PRELID2: variants seen among roughly 807,000 people sequenced by gnomAD.
The protein encoded by PRELID2 is PRELI domain containing 2, also known as PRELI domain-containing protein 2.
Under a neutral mutation model 28.4 loss-of-function variants are expected in PRELID2, and 25 were observed. The observed-to-expected ratio is 0.88, with a 90% CI of 0.64 to 1.23. PRELID2 has a LOEUF of 1.23. Among genes scored for constraint, PRELID2 ranks in the 50% most tolerant of loss-of-function variants. PRELID2 has a pLI of 0.00. For missense variants in PRELID2, 201 were observed against 214.4 expected, an observed-to-expected ratio of 0.94 and a Z score of 0.39; for synonymous variants, 76 against 71.6, an observed-to-expected ratio of 1.06 and a Z score of -0.31.
intron 1 of PRELID2, among the ~76,000 whole-genome samples, chr5:145,648,572 A>T (rs1754236115): frequency 6.6e-6 from 1 of 151,412 alleles, no homozygotes; most frequent in Non-Finnish European, 1.5e-5. Flanking sequence ...CTCTGCTATT[A>T]AGATTTCTTC....
chr5:145,250,150 C>G, the PRELID2 span, among the ~76,000 whole-genome samples: 204 of 152,112 alleles, frequency 1.3e-3, 4 homozygotes, highest in East Asian at 0.031. Context: ...GGGGAGAAAC[C>G]ATTACTCTTT....
At chr5:145,378,313 G>A in the PRELID2 span, among the ~76,000 whole-genome samples, 1 of 152,150 alleles carries the variant, frequency 6.6e-6, no homozygotes, top group Non-Finnish European at 1.5e-5. Context: ...TGAATTTCCT[G>A]AATTTGAATG....
intron 5 of PRELID2, among the ~76,000 whole-genome samples, chr5:145,784,939 AAATG>A (rs1751894651): frequency 6.6e-6 from 1 of 152,192 alleles, no homozygotes; most frequent in Non-Finnish European, 1.5e-5. Context: ...TAAAAATTGA[AAATG>A]AATATTTAGT....
At chr5:145,480,075 A>G (rs1752143079) in intron 1 of PRELID2, among the ~76,000 whole-genome samples, 1 of 152,228 alleles carries the variant, frequency 6.6e-6, no homozygotes, top group South Asian at 2.1e-4. Flanking sequence ...CTCACTAGGA[A>G]TTCCAGAACT....
chr5:145,331,736 G>A, the PRELID2 span, among the ~76,000 whole-genome samples: 1 of 152,036 alleles, frequency 6.6e-6, no homozygotes, highest in Non-Finnish European at 1.5e-5. Flanking sequence ...TTGCCAGTCT[G>A]TGTCTTTCAA....
rs184405130 is a variant in PRELID2 at position 145,832,475 on chromosome 5, G to A, written c.75+2702C>T. On this transcript the variant is annotated intron_variant, in intron 1 of 6. Transcript: ENST00000683046. Reference sequence around the variant, plus strand: ...GCTGGGATTACAGGAGTGAGCTGCCGTGCCCAGCCGGCAAAGTTGATTCTG... The same window carrying A: ...GCTGGGATTACAGGAGTGAGCTGCCATGCCCAGCCGGCAAAGTTGATTCTG... 4.8e-3 allele frequency among the ~76,000 whole-genome samples: 732 copies of A among 152,252 alleles called. 8 individuals are homozygous for A. Among genetic ancestry groups the A allele is most frequent in the African/African-American group, 0.015 (614 of 41,562 alleles).
intron 1 of PRELID2, among the ~76,000 whole-genome samples, chr5:145,646,970 G>A (rs1754207228): frequency 1.3e-5 from 2 of 152,218 alleles, no homozygotes; most frequent in South Asian, 4.1e-4. Context: ...ACTGGGAGGT[G>A]TCTCCCAGTC....
the PRELID2 span, among the ~76,000 whole-genome samples, chr5:145,309,488 A>G: frequency 1.3e-5 from 2 of 152,182 alleles, no homozygotes; most frequent in Non-Finnish European, 2.9e-5. Context: ...CTGCTGACGG[A>G]AAGGATTCCT....
chr5:145,782,845 C>T (rs950171631), intron 5 of PRELID2, among the ~76,000 whole-genome samples: 1 of 152,176 alleles, frequency 6.6e-6, no homozygotes, highest in Non-Finnish European at 1.5e-5. Context: ...TGGTTAGACA[C>T]TGAAGGAAGG....
At chr5:145,773,418 A>T (rs1758223644) in intron 5 of PRELID2, among the ~76,000 whole-genome samples, 1 of 152,200 alleles carries the variant, frequency 6.6e-6, no homozygotes, top group Non-Finnish European at 1.5e-5. Context: ...TTTCATTTTG[A>T]ATTTTAAAAA....
the PRELID2 span, among the ~76,000 whole-genome samples, chr5:145,421,431 G>A: frequency 1.3e-5 from 2 of 149,964 alleles, no homozygotes; most frequent in Non-Finnish European, 3.0e-5. Flanking sequence ...GGTCTATTCA[G>A]GGATTCAACT....
chr5:145,404,099 T>C, the PRELID2 span, among the ~76,000 whole-genome samples: 1 of 152,242 alleles, frequency 6.6e-6, no homozygotes, highest in Non-Finnish European at 1.5e-5. Flanking sequence ...GTGACTTCTA[T>C]GATCTCTGAA....
At chr5:145,508,298 T>TAGATAGATAGATAGATTA in intron 1 of PRELID2, among the ~76,000 whole-genome samples, 1 of 95,002 alleles carries the variant, frequency 1.1e-5, no homozygotes, top group East Asian at 5.0e-4. Context: ...ATAGATAGAT[T>TAGATAGATAGATAGATTA]AAAAAATGTA....
In PRELID2 at chr5:145,817,884, C is replaced by A; in HGVS notation, c.368+10G>T. 6.5e-7 allele frequency: 1 copy of A among 1,537,316 alleles called. No homozygotes were observed. Among genetic ancestry groups the A allele is most frequent in the Non-Finnish European group, 8.7e-7 (1 of 1,144,990 alleles). ...ACCAAAACACACACACATATACACACGAGTCTTACCAATTTGGGTTTTCCA... is the reference window on the plus strand; with the variant it reads ...ACCAAAACACACACACATATACACAAGAGTCTTACCAATTTGGGTTTTCCA... On this transcript the variant is annotated intron_variant, in intron 4 of 6. Coordinates refer to ENST00000683046, the MANE Select transcript of PRELID2 (RefSeq NM_205846.3).
intron 1 of PRELID2, among the ~76,000 whole-genome samples, chr5:145,591,598 A>G (rs1753227850): frequency 6.6e-6 from 1 of 152,154 alleles, no homozygotes; most frequent in Non-Finnish European, 1.5e-5. Flanking sequence ...GCTGACAAAA[A>G]TGTTCAGGCT....
At chr5:145,544,372 A>C (rs1282581657) in intron 1 of PRELID2, among the ~76,000 whole-genome samples, 1 of 152,162 alleles carries the variant, frequency 6.6e-6, no homozygotes, top group South Asian at 2.1e-4. Flanking sequence ...GCTGATAATA[A>C]ATTGGCTTTT....
chr5:145,268,448 C>G, the PRELID2 span, among the ~76,000 whole-genome samples: 1 of 152,140 alleles, frequency 6.6e-6, no homozygotes, highest in African/African-American at 2.4e-5. Context: ...TGAGTTCATC[C>G]TCCATGCCGC....
chr5:145,834,320 A>G (rs1755793534), intron 1 of PRELID2, among the ~76,000 whole-genome samples: 2 of 151,068 alleles, frequency 1.3e-5, no homozygotes, highest in South Asian at 4.1e-4. Flanking sequence ...CCTGGGAGCA[A>G]CTGGTTAAAG....
intron 1 of PRELID2, among the ~76,000 whole-genome samples, chr5:145,594,783 T>C (rs1041702898): frequency 6.6e-6 from 1 of 152,192 alleles, no homozygotes; most frequent in African/African-American, 2.4e-5. Flanking sequence ...GTATTTTCTA[T>C]TTTTTAAGCA....
Sources: gnomAD v4.1 joint callset for allele counts (sites outside exome capture counted in the v4.1 genomes callset) on GRCh38, gnomAD v4.1.1 for gene constraint, MANE v1.5 for transcripts, NCBI Gene and HGNC (gene_info 2026-07-23, HGNC 2026-07-21) for gene names.